Variants in TTN observed in about 807,000 individuals in gnomAD.
TTN encodes connectin.
Under a neutral mutation model 3,223.0 loss-of-function variants are expected in TTN, and 1,525 were observed. The ratio of observed to expected loss-of-function variants is 0.47; its 90% CI spans 0.45 to 0.49. The LOEUF (loss-of-function observed/expected upper bound fraction) is 0.49, where lower values mean the gene tolerates loss of function less well. Among genes scored for constraint, TTN ranks in the 20% least tolerant of loss-of-function variants. The pLI is 0.00. For missense variants in TTN, 40,786 were observed against 43,424.0 expected (o/e 0.94, Z 5.40); for synonymous variants, 14,094 against 15,161.0 (o/e 0.93, Z 5.17).
Position 178,739,727 on chromosome 2 carries a change from A to G in TTN, c.13506T>C (p.Ser4502=). 6.2e-7 allele frequency: 1 copy of G among 1,613,812 alleles called. No individual in the cohort carries two copies. Among genetic ancestry groups the G allele is most frequent in the Non-Finnish European group, 8.5e-7 (1 of 1,179,816 alleles). Residue 4502 remains serine (S), a synonymous_variant, in exon 48 of 363, where the codon AGT becomes AGC. Coordinates refer to ENST00000589042, the MANE Select transcript of TTN (RefSeq NM_001267550.2). ...GPRIQQGAKT[S]LQEEMDSFSG... ...AAAAAGAATCCATTTCTTCTTGCAAACTTGTTTTGGCTCCTTGCTGAATTC... is the reference window on the plus strand; with the variant it reads ...AAAAAGAATCCATTTCTTCTTGCAAGCTTGTTTTGGCTCCTTGCTGAATTC...
At position 178,678,184 on chromosome 2, in the gene TTN, A is replaced by G. The variant is rs771380033; in HGVS notation, c.33935T>C (p.Ile11312Thr). Residue 11312 changes from isoleucine to threonine, a missense_variant, in exon 145 of 363, where the codon ATC becomes ACC. Transcript: ENST00000589042. Reference protein sequence around the residue: ...AKVPEVPKKLIPEEKKPTPVP... With the variant: ...AKVPEVPKKLTPEEKKPTPVP... The stretch of plus-strand genomic sequence containing the variant: ...AGGTGTTGGTTTCTTTTCTTCTGGG[A>G]TGAGCTTCTTGGGCACCTCTGGCAC... 4 of 1,610,934 alleles carry G rather than the reference A, an allele frequency of 2.5e-6. No individual in the cohort carries two copies. In the Admixed American group the frequency reaches 6.7e-5, roughly 27 times the overall value.
In TTN at chr2:178,689,108, T is replaced by C. The variant is rs1304384380; in HGVS notation, c.32040A>G (p.Pro10680=). 1.2e-6 allele frequency: 2 copies of C among 1,610,292 alleles called. No homozygotes were observed. The highest frequency in any genetic ancestry group is 1.7e-5 in the Admixed American group (1 of 59,384). The change falls in exon 125 of 363, where the codon CCA becomes CCG. Residue 10680 remains proline (P), a synonymous_variant. Coordinates refer to ENST00000589042, the MANE Select transcript of TTN (RefSeq NM_001267550.2). The part of the protein sequence containing the change: ...KVPALPKKPV[P]EEKVAVPVPV... ...GAACTGGCACTGCAACTTTCTCCTC[T>C]GGGACGGGTTTCTTAGGCAGAGCTG...
At position 178,621,638 on chromosome 2, in the gene TTN, A is replaced by T; in HGVS notation, c.45186T>A (p.Ile15062=). The T allele has an allele frequency of 6.2e-7, 1 of 1,612,362 alleles. No individual in the cohort carries two copies. Among genetic ancestry groups the T allele is most frequent in the Non-Finnish European group, 8.5e-7 (1 of 1,179,078 alleles). Residue 15062 remains isoleucine, a synonymous_variant, in exon 245 of 363, where the codon ATT becomes ATA. Coordinates refer to ENST00000589042, the MANE Select transcript of TTN (RefSeq NM_001267550.2). Reference sequence around the variant, plus strand: ...TGATCTCCTCATCCCCTTTATACCAAATCACTTCTGCGCCAGGTTTGGAGA... The same window carrying T: ...TGATCTCCTCATCCCCTTTATACCATATCACTTCTGCGCCAGGTTTGGAGA... ...CEVSKPGAEV[I]WYKGDEEIIE... is the part of the protein sequence containing the mutation.
rs150733188 is a variant in TTN at position 178,684,711 on chromosome 2, C to T, written c.32593G>A (p.Val10865Ile). ...TCCATCTTAATGACTTTTGGAGGAA[C>T]CTTTTTTTCTGGAACTGGTTTCTTT... ...EPKKPVPEKK[V>I]PPKVIKMEEP... Residue 10865 changes from valine (V) to isoleucine (I), a missense_variant, in exon 131 of 363, where the codon GTT (valine) becomes ATT (isoleucine). Val to Ile is a conservative substitution (Grantham distance 29). Coordinates refer to ENST00000589042, the MANE Select transcript of TTN (RefSeq NM_001267550.2). The T allele has an allele frequency of 3.1e-6, 5 of 1,613,432 alleles. No homozygotes were observed. In the African/African-American group the frequency reaches 4.0e-5, roughly 13 times the overall value.
rs727504878 is a variant in TTN at position 178,617,971 on chromosome 2, C to T, written c.47380G>A (p.Val15794Ile). The change falls in exon 253 of 363, where the codon GTC becomes ATC. Residue 15794 changes from valine (V) to isoleucine (I), a missense_variant. Val to Ile is a conservative substitution (Grantham distance 29). Coordinates refer to ENST00000589042, the MANE Select transcript of TTN (RefSeq NM_001267550.2). ...YDGGAEITNY[V>I]IELRDKTSIR... is the part of the protein sequence containing the mutation. ...GAAGTCTTGTCTCTTAATTCAATGA[C>T]GTAGTTTGTGATCTCAGCACCTCCA... The T allele has an allele frequency of 6.4e-5, 104 of 1,612,452 alleles. No homozygotes were observed. In the South Asian group the frequency reaches 9.9e-4, roughly 15 times the overall value.
intron 139 of TTN, 46 bp from the exon 140 acceptor site, chr2:178,680,101 C>T: frequency 6.2e-7 from 1 of 1,603,482 alleles, no homozygotes; most frequent in Non-Finnish European, 8.5e-7. Context: ...AATGACTCAA[C>T]AAAATTAAGA....
chr2:178,592,380 T>A lies in TTN; in HGVS notation c.59625A>T (p.Leu19875Phe). 1 of 1,611,280 alleles carries A rather than the reference T, an allele frequency of 6.2e-7. No homozygotes were observed. The highest frequency in any genetic ancestry group is 8.5e-7 in the Non-Finnish European group (1 of 1,179,146). The change falls in exon 301 of 363, where the codon TTA (leucine) becomes TTT (phenylalanine). Residue 19875 changes from leucine to phenylalanine, a missense_variant and splice_region_variant. Coordinates refer to ENST00000589042, the MANE Select transcript of TTN (RefSeq NM_001267550.2). ...TGGCCTAAGTAGTAAAATTCTTACC[T>A]AATACAAGTACTTTTACTGAGACAG... is the stretch of plus-strand genomic sequence containing the variant. ...SKTVSVKVLV[L>F]DKPGPPRDLE...
Position 178,566,782 on chromosome 2 carries a change from T to A in TTN, c.79350A>T (p.Gly26450=). The A allele has an allele frequency of 6.2e-7, 1 of 1,613,384 alleles. No individual in the cohort carries two copies. The highest frequency in any genetic ancestry group is 8.5e-7 in the Non-Finnish European group (1 of 1,179,680). ...ATTCATACTCATGATCTTCTGTTAA[T>A]CCTGTCACTCTTAGACGCAAATCTG... is the stretch of plus-strand genomic sequence containing the variant. ...RITDLRLRVT[G]LTEDHEYEFR... The change falls in exon 326 of 363, where the codon GGA becomes GGT. Residue 26450 remains glycine (G), a synonymous_variant. Coordinates refer to ENST00000589042, the MANE Select transcript of TTN (RefSeq NM_001267550.2).
At position 178,715,641 on chromosome 2, in the gene TTN, T is replaced by C. The variant is rs1577913380; in HGVS notation, c.25773A>G (p.Gln8591=). 2 of 1,613,582 alleles carry C rather than the reference T, an allele frequency of 1.2e-6. No homozygotes were observed. Among genetic ancestry groups the C allele is most frequent in the Non-Finnish European group, 1.7e-6 (2 of 1,179,646 alleles). The change falls in exon 89 of 363, where the codon CAA becomes CAG. Residue 8591 remains glutamine (Q), a synonymous_variant. Coordinates refer to ENST00000589042, the MANE Select transcript of TTN (RefSeq NM_001267550.2). ...ATGACATTCTGAATTTACTGCTCTC[T>C]TGAATTTCAGTCTCGTCCTTATACC... ...VLWYKDETEI[Q]ESSKFRMSFV...
rs146572907 is a variant in TTN at position 178,767,782 on chromosome 2, G to C, written c.9448C>G (p.Arg3150Gly). 1 of 1,613,974 alleles carries C rather than the reference G, an allele frequency of 6.2e-7. No individual in the cohort carries two copies. Among genetic ancestry groups the C allele is most frequent in the African/African-American group, 1.3e-5 (1 of 74,998 alleles). The change falls in exon 40 of 363, where the codon CGA (arginine) becomes GGA (glycine). Residue 3150 changes from arginine to glycine, a missense_variant. Arg to Gly is a moderately radical substitution (Grantham distance 125). Coordinates refer to ENST00000589042, the MANE Select transcript of TTN (RefSeq NM_001267550.2). Reference protein sequence around the residue: ...LFVEGRDVRIRSIKKEVQVIE... With the variant: ...LFVEGRDVRIGSIKKEVQVIE... ...ACCTGAACCTCCTTTTTAATACTTC[G>C]GATGCGAACATCTCTGCCTTCTACA...
At chr2:178,616,665 A>G (rs1023368212) in intron 256 of TTN, 35 bp from the exon 257 acceptor site, 2 of 1,611,942 alleles carry the variant, frequency 1.2e-6, no homozygotes, top group Non-Finnish European at 1.7e-6. Context: ...CACTGTTAAT[A>G]GTCTGAACTA....
At chr2:178,645,161 G>A (rs1386793566) in intron 217 of TTN, 2 of 152,012 alleles carry the variant, frequency 1.3e-5, no homozygotes, top group Non-Finnish European at 2.9e-5. Context: ...ATTAAAATAA[G>A]AATAATATGT....
chr2:178,582,711 G>C (rs769523266), intron 313 of TTN, 119 bp from the exon 314 acceptor site: 2 of 1,090,962 alleles, frequency 1.8e-6, no homozygotes, highest in Non-Finnish European at 2.5e-6. Flanking sequence ...TAGGAGGTTA[G>C]TTAATTTTTT....
At position 178,550,085 on chromosome 2, in the gene TTN, A is replaced by C. The variant is rs1060500507; in HGVS notation, c.91753T>G (p.Phe30585Val). 1 of 1,613,796 alleles carries C rather than the reference A, an allele frequency of 6.2e-7. No individual in the cohort carries two copies. Among genetic ancestry groups the C allele is most frequent in the East Asian group, 2.2e-5 (1 of 44,866 alleles). The change falls in exon 337 of 363, where the codon TTT becomes GTT. Residue 30585 changes from phenylalanine to valine, a missense_variant. Phe to Val is a conservative substitution (Grantham distance 50, BLOSUM62 -1). Transcript: ENST00000589042. Reference protein sequence around the residue: ...ITDVLGSTSLFVRDATRDHRG... With the variant: ...ITDVLGSTSLVVRDATRDHRG... ...TGGTCCCGAGTAGCATCTCTAACAA[A>C]TAGGCTGGTGGATCCAAGTACGTCG...
At position 178,559,313 on chromosome 2, in the gene TTN, GT is replaced by G; in HGVS notation, c.86818del (p.Thr28940GlnfsTer12). On this transcript the variant is annotated frameshift_variant, in exon 326 of 363. Transcript: ENST00000589042. LOFTEE classifies it high-confidence loss of function. ...PAETKEGVKI[T>X]EKPSPPEKLG... ...ATTTCCTTATTCTTAAAACATACCT[GT>G]TATTTTTACTCCTTCCTTTGTTTCA... is the stretch of plus-strand genomic sequence containing the variant. 1 of 1,585,276 alleles carries G rather than the reference GT, an allele frequency of 6.3e-7. No homozygotes were observed. The highest frequency in any genetic ancestry group is 8.6e-7 in the Non-Finnish European group (1 of 1,165,454).
chr2:178,777,445 T>C lies in TTN; in HGVS notation c.4620A>G (p.Ser1540=). The change falls in exon 26 of 363, where the codon TCA becomes TCG. Residue 1540 remains serine (S), a synonymous_variant. Transcript: ENST00000589042. ...VVAQNRAGRS[S]ISVILTVEAV... is the part of the protein sequence containing the mutation. ...CTTCCACAGTTAAAATCACTGAAAT[T>C]GAAGATCTGCCTGCCCTGTTTTGGG... The C allele has an allele frequency of 6.2e-7, 1 of 1,613,794 alleles. No homozygotes were observed. Among genetic ancestry groups the C allele is most frequent in the East Asian group, 2.2e-5 (1 of 44,804 alleles).
chr2:178,608,107 C>G (rs1329259481), intron 275 of TTN, 26 bp from the exon 276 acceptor site: 1 of 1,608,034 alleles, frequency 6.2e-7, no homozygotes, highest in East Asian at 2.3e-5. Context: ...ATAGACAAAT[C>G]AAACTCCCTG....
At position 178,560,007 on chromosome 2, in the gene TTN, C is replaced by T. The variant is rs562860372; in HGVS notation, c.86125G>A (p.Glu28709Lys). 1 of 1,613,748 alleles carries T rather than the reference C, an allele frequency of 6.2e-7. No individual in the cohort carries two copies. Among genetic ancestry groups the T allele is most frequent in the Non-Finnish European group, 8.5e-7 (1 of 1,179,810 alleles). The change falls in exon 326 of 363, where the codon GAA becomes AAA. Residue 28709 changes from glutamate (E) to lysine (K), a missense_variant. Physicochemically the swap from Glu to Lys is moderately conservative, Grantham distance 56. Coordinates refer to ENST00000589042, the MANE Select transcript of TTN (RefSeq NM_001267550.2). ...KTSIQSLRGT[E>K]YTISGLTTGA... is the part of the protein sequence containing the mutation. The stretch of plus-strand genomic sequence containing the variant: ...GTTGTTAGTCCGCTTATTGTATATT[C>T]TGTCCCTCGTAAGCTCTGAATGGAA...
chr2:178,607,452 C>T lies in TTN; in HGVS notation c.53236G>A (p.Ala17746Thr), dbSNP rs886055266. Residue 17746 changes from alanine to threonine, a missense_variant, in exon 277 of 363, where the codon GCT becomes ACT. By Grantham distance (58) the Ala-to-Thr change is moderately conservative. Transcript: ENST00000589042. ...RKDHGRYVIT[A>T]TNSCGSKFAA... ...AATTTGGAACCACAGCTATTTGTAG[C>T]TGTAATCACATATCTGCCATGGTCT... 1 of 1,613,206 alleles carries T rather than the reference C, an allele frequency of 6.2e-7. No homozygotes were observed. Among genetic ancestry groups the T allele is most frequent in the East Asian group, 2.2e-5 (1 of 44,758 alleles).
Sources: allele counts gnomAD v4.1 joint callset, GRCh38; gene constraint gnomAD v4.1.1; transcripts MANE v1.5; gene names NCBI Gene and HGNC (gene_info 2026-07-23, HGNC 2026-07-21).